The following ERAP2 variants were observed in gnomAD, a reference collection of about 807,000 sequenced individuals.
ERAP2 encodes the protein leukocyte-derived arginine aminopeptidase.
Under a neutral mutation model 111.1 loss-of-function variants are expected in ERAP2, and 118 were observed. The ratio of observed to expected loss-of-function variants is 1.06; its 90% CI spans 0.92 to 1.24. The LOEUF (loss-of-function observed/expected upper bound fraction) is 1.24. Ranked by LOEUF, ERAP2 falls within the 50% of genes most tolerant of loss-of-function variation. The probability of loss-of-function intolerance (pLI) is 0.00; values close to 1 mark genes in which losing one functional copy is unlikely to be tolerated. For synonymous variants in ERAP2, 410 were observed against 401.2 expected (o/e 1.02, Z -0.26); for missense variants, 1,131 against 1,125.8 (o/e 1.00, Z -0.07).
chr5:96,901,988 A>G (rs1785519917), intron 11 of ERAP2, among the ~76,000 whole-genome samples: 1 of 152,232 alleles, frequency 6.6e-6, no homozygotes, highest in African/African-American at 2.4e-5. Flanking sequence ...TCCCATACAA[A>G]CAGCAGAAAT....
intron 9 of ERAP2, among the ~76,000 whole-genome samples, chr5:96,898,748 A>AAAAC (rs558279173): frequency 2.6e-4 from 40 of 152,154 alleles, no homozygotes; most frequent in Middle Eastern, 3.4e-3. Context: ...AAAACAAAAC[A>AAAAC]AAACAAACAA....
In ERAP2 at chr5:96,892,344, G is replaced by T. The variant is rs763216518; in HGVS notation, c.1016G>T (p.Trp339Leu). 4 of 1,613,930 alleles carry T rather than the reference G, an allele frequency of 2.5e-6. No individual in the cohort carries two copies. Among genetic ancestry groups the T allele is most frequent in the Non-Finnish European group, 3.4e-6 (4 of 1,179,902 alleles). Residue 339 changes from tryptophan (W) to leucine (L), a missense_variant, in exon 6 of 19, where the codon TGG (tryptophan) becomes TTG (leucine). Coordinates refer to ENST00000437043, the MANE Select transcript of ERAP2 (RefSeq NM_022350.5). The stretch of plus-strand genomic sequence containing the variant: ...TTTGCACCTGGAGCCATGGAAAATT[G>T]GGGCCTCATTACATATAGGGAGACG... ...PDFAPGAMEN[W>L]GLITYRETSL...
rs752461992 is a variant in ERAP2, at chr5:96,909,703, C to T, written c.2293C>T (p.Pro765Ser). Residue 765 changes from proline (P) to serine (S), a missense_variant, in exon 15 of 19, where the codon CCT becomes TCT. Physicochemically the swap from Pro to Ser is moderately conservative, Grantham distance 74. Coordinates refer to ENST00000437043, the MANE Select transcript of ERAP2 (RefSeq NM_022350.5). ...LKLACDLNHA[P>S]CIQKAAELFS... ...GCTGGCCTGTGACCTGAACCATGCT[C>T]CTTGCATCCAGAAAGCTGCTGAACT... is the stretch of plus-strand genomic sequence containing the variant. 6.2e-7 allele frequency: 1 copy of T among 1,614,206 alleles called. No homozygotes were observed. The highest frequency in any genetic ancestry group is 8.5e-7 in the Non-Finnish European group (1 of 1,180,034).
At chr5:96,896,993 C>A in intron 9 of ERAP2, 130 bp downstream of exon 9, 1 of 348,590 alleles carries the variant, frequency 2.9e-6, no homozygotes, top group Non-Finnish European at 3.9e-6. Context: ...TTGTCATGGT[C>A]TATAGAAGGC....
Position 96,883,925 on chromosome 5 carries a change from C to G in ERAP2, c.709C>G (p.Pro237Ala). Residue 237 changes from proline to alanine, a missense_variant, in exon 3 of 19, where the codon CCA (proline) becomes GCA (alanine). This residue lies in a region of ERAP2 where 847 missense variants were observed against 856.5 expected (regional missense o/e 0.99). Transcript: ENST00000437043. ...ESRHIALSNM[P>A]KVKTIELEGG... ...CAGGCATATTGCACTATCCAACATG[C>G]CAAAGGTATGTCCACTTCCAGAAAC... 6.3e-7 allele frequency: 1 copy of G among 1,595,978 alleles called. No individual in the cohort carries two copies. Among genetic ancestry groups the G allele is most frequent in the Non-Finnish European group, 8.5e-7 (1 of 1,173,132 alleles).
At chr5:96,881,412 A>G (rs1424753711) in intron 2 of ERAP2, 2 of 456,056 alleles carry the variant, frequency 4.4e-6, no homozygotes, top group Non-Finnish European at 8.8e-6. Context: ...AGGTGAGGGA[A>G]ATAGAAGAAT....
Sources: allele counts gnomAD v4.1 joint callset (sites outside exome capture counted in the v4.1 genomes callset), GRCh38; gene constraint gnomAD v4.1.1; regional missense constraint gnomAD v4.1.1; transcripts MANE v1.5; gene names NCBI Gene and HGNC (gene_info 2026-07-23, HGNC 2026-07-21).